DLGAP2: variants seen among roughly 807,000 people sequenced by gnomAD.
DLGAP2 encodes the protein disks large-associated protein 2.
In DLGAP2, 26 loss-of-function variants were observed where a neutral mutation model predicts 100.3. The ratio of observed to expected loss-of-function variants is 0.26; its 90% CI spans 0.19 to 0.36. The LOEUF (loss-of-function observed/expected upper bound fraction) is 0.36. Ranked by LOEUF, DLGAP2 falls within the 10% of genes least tolerant of loss-of-function variation. The probability of loss-of-function intolerance (pLI) is 1.00; values close to 1 mark genes in which losing one functional copy is unlikely to be tolerated. For missense variants in DLGAP2, 1,858 were observed against 1,453.2 expected (o/e 1.28, Z -4.53); for synonymous variants, 886 against 630.1 (o/e 1.41, Z -6.08).
chr8:800,921 T>C (rs1279304284), intron 1 of DLGAP2, among the ~76,000 whole-genome samples: 3 of 151,180 alleles, frequency 2.0e-5, no homozygotes, highest in African/African-American at 4.9e-5. Context: ...CCTCAAATGC[T>C]GCTCCTCTCC....
chr8:836,534 A>G (rs1796879386), intron 1 of DLGAP2, among the ~76,000 whole-genome samples: 1 of 152,184 alleles, frequency 6.6e-6, no homozygotes. Context: ...GCGGGGGCAC[A>G]CAAGGCTGAG....
rs543237180 is a variant in DLGAP2, at chr8:1,518,957, A to G, written c.172+17526A>G. ...CTAAGATGAGACCAACTCTGCTTGG[A>G]GGGTCCTGTCCATCCCAGGCCCTCC... On this transcript the variant is annotated intron_variant, in intron 4 of 14. Coordinates refer to ENST00000637795, the MANE Select transcript of DLGAP2 (RefSeq NM_001346810.2). Among the ~76,000 whole-genome samples the G allele has an allele frequency of 1.5e-3, 235 of 152,246 alleles. 4 individuals are homozygous for G. The South Asian group carries it at 0.021, about 14-fold the overall frequency.
chr8:1,291,965 A>T (rs567547806), intron 3 of DLGAP2, among the ~76,000 whole-genome samples: 2 of 152,336 alleles, frequency 1.3e-5, no homozygotes, highest in African/African-American at 4.8e-5. Context: ...GGCCTGAAAG[A>T]TGTAGGGACA....
At chr8:1,341,161 T>C (rs1428435153) in intron 3 of DLGAP2, among the ~76,000 whole-genome samples, 2 of 152,224 alleles carry the variant, frequency 1.3e-5, no homozygotes, top group East Asian at 3.9e-4. Flanking sequence ...GATGAAATAA[T>C]CTGTACAACA....
At chr8:1,201,874 T>G (rs1797882196) in intron 2 of DLGAP2, among the ~76,000 whole-genome samples, 1 of 152,170 alleles carries the variant, frequency 6.6e-6, no homozygotes, top group Non-Finnish European at 1.5e-5. Flanking sequence ...ATCTGTGGTG[T>G]GTGTGTAAGC....
intron 13 of DLGAP2, among the ~76,000 whole-genome samples, chr8:1,695,153 C>T (rs543663545): frequency 1.1e-3 from 161 of 152,302 alleles, no homozygotes; most frequent in Non-Finnish European, 2.0e-3. Context: ...CAGCTGCGGG[C>T]GAGGGAGGAG....
intron 2 of DLGAP2, among the ~76,000 whole-genome samples, chr8:995,502 AT>A (rs1222061073): frequency 2.0e-5 from 3 of 152,168 alleles, no homozygotes; most frequent in African/African-American, 7.2e-5. Flanking sequence ...GCATTGCTGG[AT>A]TTTAGTATTT....
rs72621152 is a variant in DLGAP2 at position 843,559 on chromosome 8, T to G, written c.19-64353T>G. Among the ~76,000 whole-genome samples, 3,795 of 152,298 alleles carry G rather than the reference T, an allele frequency of 0.025. 668 individuals carry two copies. The East Asian group carries it at 0.5, about 20-fold the overall frequency. On this transcript the variant is annotated intron_variant, in intron 1 of 14. Transcript: ENST00000637795. ...CCTGTCCCTCACCAGCCACTGCCCC[T>G]CTGTCCTTGGACACGGACGCCACGT...
At chr8:1,568,583 C>T (rs560465759) in intron 6 of DLGAP2, among the ~76,000 whole-genome samples, 3 of 139,792 alleles carry the variant, frequency 2.1e-5, no homozygotes, top group Admixed American at 7.1e-5. Flanking sequence ...GACACAAATC[C>T]GTCTCTGCCC....
chr8:1,298,777 A>G (rs1477975521), intron 3 of DLGAP2, among the ~76,000 whole-genome samples: 3 of 152,218 alleles, frequency 2.0e-5, no homozygotes, highest in African/African-American at 2.4e-5. Flanking sequence ...AAAGACTTCT[A>G]TTTGCAAAGA....
chr8:1,078,445 G>A (rs1043176011), intron 2 of DLGAP2, among the ~76,000 whole-genome samples: 2 of 152,170 alleles, frequency 1.3e-5, no homozygotes, highest in African/African-American at 4.8e-5. Context: ...ATCACATCCA[G>A]CCTTGGTGTT....
chr8:1,207,758 T>C (rs956999009), intron 2 of DLGAP2, among the ~76,000 whole-genome samples: 5 of 152,228 alleles, frequency 3.3e-5, no homozygotes, highest in African/African-American at 1.2e-4. Flanking sequence ...ATGATCATTG[T>C]TGCAGGAGTG....
intron 2 of DLGAP2, among the ~76,000 whole-genome samples, chr8:935,622 G>C (rs1010126315): frequency 5.3e-5 from 8 of 152,090 alleles, no homozygotes; most frequent in Non-Finnish European, 1.2e-4. Flanking sequence ...CTCCTGCACC[G>C]AGTTCCATGT....
chr8:1,336,102 C>A (rs1242211408), intron 3 of DLGAP2, among the ~76,000 whole-genome samples: 1 of 152,256 alleles, frequency 6.6e-6, no homozygotes, highest in African/African-American at 2.4e-5. Flanking sequence ...TTGGCTGCTG[C>A]ATCCAAGACC....
intron 3 of DLGAP2, among the ~76,000 whole-genome samples, chr8:1,429,834 G>A (rs544328625): frequency 6.6e-6 from 1 of 150,580 alleles, no homozygotes; most frequent in South Asian, 2.1e-4. Context: ...AAAAAAATAA[G>A]CAGTATTCAT....
chr8:1,101,313 G>T (rs1456294211), intron 2 of DLGAP2, among the ~76,000 whole-genome samples: 1 of 152,238 alleles, frequency 6.6e-6, no homozygotes, highest in Non-Finnish European at 1.5e-5. Context: ...GGGGCCATTT[G>T]TTGGCCAGTG....
Position 1,468,306 on chromosome 8 carries a change from C to T in DLGAP2, c.107-33060C>T, listed in dbSNP as rs143090608. On this transcript the variant is annotated intron_variant, in intron 3 of 14. Coordinates refer to ENST00000637795, the MANE Select transcript of DLGAP2 (RefSeq NM_001346810.2). ...TCCTGAGTCCCCAGCAGCCTCGGTC[C>T]ATTCTGAGAACCTCGCCTGTTCACA... Among the ~76,000 whole-genome samples the T allele has an allele frequency of 4.5e-3, 679 of 151,196 alleles. 15 individuals are homozygous for T. The highest frequency in any genetic ancestry group is 0.026 in the East Asian group (133 of 5,138).
intron 1 of DLGAP2, among the ~76,000 whole-genome samples, chr8:900,875 G>A (rs1225548061): frequency 6.6e-6 from 1 of 152,174 alleles, no homozygotes; most frequent in African/African-American, 2.4e-5. Context: ...GGGCTCCGTA[G>A]GTCCGACAGC....
At chr8:1,000,116 A>G (rs1421955184) in intron 2 of DLGAP2, among the ~76,000 whole-genome samples, 9 of 144,832 alleles carry the variant, frequency 6.2e-5, no homozygotes, top group Non-Finnish European at 1.2e-4. Context: ...TCTCTAGAGC[A>G]GACAGATCCG....
Sources: gnomAD v4.1 joint callset for allele counts (sites outside exome capture counted in the v4.1 genomes callset) on GRCh38, gnomAD v4.1.1 for gene constraint, MANE v1.5 for transcripts, NCBI Gene and HGNC (gene_info 2026-07-23, HGNC 2026-07-21) for gene names.